The following TMPRSS11E variants were observed in gnomAD, a reference collection of about 807,000 sequenced individuals.
TMPRSS11E encodes transmembrane serine protease 11E.
TMPRSS11E carries 38 observed loss-of-function variants against 48.1 expected under a neutral mutation model. The ratio of observed to expected loss-of-function variants is 0.79; its 90% CI spans 0.61 to 1.04. The LOEUF (loss-of-function observed/expected upper bound fraction) is 1.04, where lower values mean the gene tolerates loss of function less well. Ranked by LOEUF, TMPRSS11E falls within the 50% of genes least tolerant of loss-of-function variation. The pLI is 0.00. For synonymous variants in TMPRSS11E, 158 were observed against 171.9 expected, an observed-to-expected ratio of 0.92 and a Z score of 0.63; for missense variants, 530 against 510.8, an observed-to-expected ratio of 1.04 and a Z score of -0.36.
intron 2 of TMPRSS11E, among the ~76,000 whole-genome samples, chr4:68,465,168 G>A (rs1227838500): frequency 6.6e-6 from 1 of 152,190 alleles, no homozygotes; most frequent in African/African-American, 2.4e-5. Flanking sequence ...GAGAAAGGGA[G>A]GTGAGGAAGG....
chr4:68,491,665 T>G (rs1229673214), intron 9 of TMPRSS11E, among the ~76,000 whole-genome samples: 1 of 152,224 alleles, frequency 6.6e-6, no homozygotes, highest in African/African-American at 2.4e-5. Context: ...TGGTTCCTTC[T>G]GTGTGTCACT....
At chr4:68,486,531 T>C (rs1729558786) in intron 9 of TMPRSS11E, among the ~76,000 whole-genome samples, 1 of 152,188 alleles carries the variant, frequency 6.6e-6, no homozygotes, top group South Asian at 2.1e-4. Context: ...AAAATTTGTT[T>C]AGAATTGCTT....
At position 68,477,349 on chromosome 4, in the gene TMPRSS11E, C is replaced by A; in HGVS notation, c.708-20C>A. ...GTAGCATGGTAAAAAGAAATTTATT[C>A]TTCATTTTTTTCTCCCCAGATATAA... is the stretch of plus-strand genomic sequence containing the variant. On this transcript the variant is annotated intron_variant, in intron 7 of 9. Coordinates refer to ENST00000305363, the MANE Select transcript of TMPRSS11E (RefSeq NM_014058.4). 1.9e-6 allele frequency: 3 copies of A among 1,581,242 alleles called. No individual in the cohort carries two copies. The highest frequency in any genetic ancestry group is 8.6e-7 in the Non-Finnish European group (1 of 1,168,370).
intron 8 of TMPRSS11E, among the ~76,000 whole-genome samples, chr4:68,478,410 C>T (rs942796562): frequency 7.0e-6 from 1 of 142,450 alleles, no homozygotes; most frequent in Non-Finnish European, 1.5e-5. Flanking sequence ...TCCGAAAGTG[C>T]TGGGATTACA....
At chr4:68,463,274 C>T (rs1728842713) in intron 2 of TMPRSS11E, among the ~76,000 whole-genome samples, 3 of 152,050 alleles carry the variant, frequency 2.0e-5, no homozygotes, top group Admixed American at 2.0e-4. Context: ...GGAGTATCTG[C>T]ATATTAATAA....
chr4:68,490,632 T>G (rs1370701912), intron 9 of TMPRSS11E, among the ~76,000 whole-genome samples: 2 of 152,190 alleles, frequency 1.3e-5, no homozygotes, highest in East Asian at 3.9e-4. Context: ...ATTTCATTAC[T>G]GCTTCGCAGT....
chr4:68,493,884 T>C (rs1046747753), intron 9 of TMPRSS11E, among the ~76,000 whole-genome samples: 10 of 152,318 alleles, frequency 6.6e-5, no homozygotes, highest in African/African-American at 2.2e-4. Flanking sequence ...TAACCTCATA[T>C]GTAAAAATTT....
chr4:68,468,171 T>A (rs1728973940), intron 3 of TMPRSS11E, among the ~76,000 whole-genome samples: 1 of 152,162 alleles, frequency 6.6e-6, no homozygotes, highest in African/African-American at 2.4e-5. Flanking sequence ...CTTCTGTTAA[T>A]CACCAGCATG....
intron 9 of TMPRSS11E, among the ~76,000 whole-genome samples, chr4:68,492,093 G>A (rs776030689): frequency 7.9e-5 from 12 of 152,074 alleles, no homozygotes; most frequent in Non-Finnish European, 1.5e-5. Context: ...GCTCCTGGAG[G>A]AACACACGGA....
intron 9 of TMPRSS11E, among the ~76,000 whole-genome samples, chr4:68,496,236 G>T (rs997351662): frequency 1.9e-3 from 282 of 151,708 alleles, no homozygotes; most frequent in African/African-American, 6.2e-3. Context: ...GTTTTTTTTT[G>T]TTTGTTTGTT....
intron 1 of TMPRSS11E, among the ~76,000 whole-genome samples, chr4:68,448,769 C>T (rs1728414744): frequency 6.6e-6 from 1 of 151,722 alleles, no homozygotes; most frequent in Non-Finnish European, 1.5e-5. Flanking sequence ...CAAAACCAAC[C>T]ATCTAACAAA....
chr4:68,477,706 C>A, intron 8 of TMPRSS11E, 78 bp downstream of exon 8: 1 of 1,530,578 alleles, frequency 6.5e-7, no homozygotes, highest in Non-Finnish European at 8.9e-7. Flanking sequence ...GCCATTATGC[C>A]AAAATATGTT....
rs537347098 is a variant in TMPRSS11E at position 68,489,660 on chromosome 4, G to A, written c.1111-6983G>A. 7.9e-5 allele frequency among the ~76,000 whole-genome samples: 12 copies of A among 152,346 alleles called. No homozygotes were observed. In the South Asian group the frequency reaches 2.5e-3, roughly 32 times the overall value. ...GCCTTCAGGAGCTCTCCAGCTGTTA[G>A]GCAGGGTCTGCCATCAAAATAGCAA... is the stretch of plus-strand genomic sequence containing the variant. On this transcript the variant is annotated intron_variant, in intron 9 of 9. Coordinates refer to ENST00000305363, the MANE Select transcript of TMPRSS11E (RefSeq NM_014058.4).
chr4:68,496,629 G>A lies in TMPRSS11E; in HGVS notation c.1111-14G>A, dbSNP rs777919572. 3 of 1,601,338 alleles carry A rather than the reference G, an allele frequency of 1.9e-6. No individual in the cohort carries two copies. Among genetic ancestry groups the A allele is most frequent in the African/African-American group, 2.7e-5 (2 of 74,110 alleles). On this transcript the variant is annotated splice_polypyrimidine_tract_variant and intron_variant, in intron 9 of 9. Coordinates refer to ENST00000305363, the MANE Select transcript of TMPRSS11E (RefSeq NM_014058.4). ...ACTGAATTATGAATTACTAATTTCT[G>A]TCTTCTCCTTTAGGGTGACTCTGGA...
intron 9 of TMPRSS11E, among the ~76,000 whole-genome samples, chr4:68,494,361 AT>A (rs1436348533): frequency 6.6e-6 from 1 of 152,190 alleles, no homozygotes; most frequent in Non-Finnish European, 1.5e-5. Context: ...TCTCGCTCAT[AT>A]TATTAGGGTT....
intron 6 of TMPRSS11E, 63 bp downstream of exon 6, chr4:68,474,824 A>C: frequency 7.3e-7 from 1 of 1,375,182 alleles, no homozygotes; most frequent in East Asian, 2.4e-5. Context: ...ACTATAGGTC[A>C]TTTAGGTTTA....
intron 1 of TMPRSS11E, among the ~76,000 whole-genome samples, chr4:68,457,130 G>A (rs1728654173): frequency 6.6e-6 from 1 of 152,082 alleles, no homozygotes. Context: ...CCTAGAGAAT[G>A]GGAGAAAATT....
Position 68,477,567 on chromosome 4 carries a change from C to G in TMPRSS11E, c.906C>G (p.Ser302=). Residue 302 remains serine (S), a synonymous_variant, in exon 8 of 10, where the codon TCC becomes TCG. Transcript: ENST00000305363. ...AVHRVCLPDA[S]YEFQPGDVMF... ...ATAGAGTTTGTCTCCCTGATGCATC[C>G]TATGAGTTTCAACCAGGTGATGTGA... 1 of 1,614,084 alleles carries G rather than the reference C, an allele frequency of 6.2e-7. No individual in the cohort carries two copies.
intron 9 of TMPRSS11E, among the ~76,000 whole-genome samples, chr4:68,484,028 T>G (rs1223903256): frequency 6.6e-6 from 1 of 152,206 alleles, no homozygotes; most frequent in Non-Finnish European, 1.5e-5. Context: ...CATGATCTTC[T>G]GGTTACTATA....
Sources: gnomAD v4.1 joint callset for allele counts (sites outside exome capture counted in the v4.1 genomes callset) on GRCh38, gnomAD v4.1.1 for gene constraint, MANE v1.5 for transcripts, NCBI Gene and HGNC (gene_info 2026-07-23, HGNC 2026-07-21) for gene names.